The following ATP6V0A4 variants were observed in gnomAD, a reference collection of about 807,000 sequenced individuals.
ATP6V0A4 encodes the protein V-type proton ATPase 116 kDa subunit a 4.
ATP6V0A4 carries 86 observed loss-of-function variants against 107.3 expected under a neutral mutation model. That is an observed-to-expected ratio of 0.80 (90% confidence interval 0.67 to 0.96). The LOEUF is 0.96. ATP6V0A4 is among the 40% of genes least tolerant of loss of function. The pLI is 0.00. For missense variants in ATP6V0A4, 908 were observed against 1,045.6 expected, an observed-to-expected ratio of 0.87 and a Z score of 1.81; for synonymous variants, 353 against 381.4, an observed-to-expected ratio of 0.93 and a Z score of 0.87.
chr7:138,715,797 G>A lies in ATP6V0A4; in HGVS notation c.2224C>T (p.Leu742=). The A allele has an allele frequency of 6.2e-7, 1 of 1,612,792 alleles. No homozygotes were observed. Among genetic ancestry groups the A allele is most frequent in the East Asian group, 2.2e-5 (1 of 44,872 alleles). Residue 742 remains leucine (L), a synonymous_variant, in exon 20 of 22, where the codon CTG becomes TTG. Transcript: ENST00000310018. ...LGCISNTASY[L]RLWALSLAHA... ...GCCAGGCTGAGGGCCCAGAGCCGCA[G>A]GTAGGAGGCTGTGTTTGAAATGCAG...
In ATP6V0A4 at chr7:138,735,289, C is replaced by T. The variant is rs138760644; in HGVS notation, c.1573-1035G>A. The stretch of plus-strand genomic sequence containing the variant: ...TGGAAAGGATTCCAAGTCCTTGCTC[C>T]TTCCCCTGTCCCCACCTGTACTTGA... On this transcript the variant is annotated intron_variant, in intron 15 of 21. Transcript: ENST00000310018. Among the ~76,000 whole-genome samples, 5 of 152,294 alleles carry T rather than the reference C, an allele frequency of 3.3e-5. No homozygotes were observed. The East Asian group carries it at 9.6e-4, about 29-fold the overall frequency.
chr7:138,759,048 G>A (rs1254707273), intron 8 of ATP6V0A4, among the ~76,000 whole-genome samples: 1 of 117,918 alleles, frequency 8.5e-6, no homozygotes, highest in African/African-American at 3.4e-5. Flanking sequence ...ACCATGCCCA[G>A]CCTATTTTTT....
intron 5 of ATP6V0A4, among the ~76,000 whole-genome samples, chr7:138,766,657 T>G (rs1372818526): frequency 6.6e-6 from 1 of 152,112 alleles, no homozygotes; most frequent in South Asian, 2.1e-4. Context: ...CAGAAAAGCT[T>G]ATTAATATCA....
At chr7:138,771,600 C>T (rs1355549863) in intron 2 of ATP6V0A4, among the ~76,000 whole-genome samples, 5 of 151,932 alleles carry the variant, frequency 3.3e-5, no homozygotes, top group Admixed American at 6.6e-5. Context: ...GCACTTTATG[C>T]CCTCCATCAG....
intron 2 of ATP6V0A4, among the ~76,000 whole-genome samples, chr7:138,778,878 G>A (rs1427627093): frequency 6.6e-6 from 1 of 152,116 alleles, no homozygotes; most frequent in Non-Finnish European, 1.5e-5. Flanking sequence ...TTGGTAATAA[G>A]CTCCCCTCCC....
At chr7:138,721,205 C>T (rs1222298285) in intron 19 of ATP6V0A4, among the ~76,000 whole-genome samples, 2 of 152,108 alleles carry the variant, frequency 1.3e-5, no homozygotes, top group Non-Finnish European at 2.9e-5. Flanking sequence ...GGGAACAAAA[C>T]AATTTATGAA....
chr7:138,711,287 C>A (rs6467790), intron 20 of ATP6V0A4, among the ~76,000 whole-genome samples: 1 of 151,970 alleles, frequency 6.6e-6, no homozygotes, highest in Non-Finnish European at 1.5e-5. Flanking sequence ...CGTAGCTGAG[C>A]CCGTGTCCCC....
intron 5 of ATP6V0A4, among the ~76,000 whole-genome samples, chr7:138,768,503 C>T (rs949422397): frequency 6.6e-6 from 1 of 152,152 alleles, no homozygotes; most frequent in Admixed American, 6.5e-5. Flanking sequence ...GAATCAAACA[C>T]CCACAAAAGC....
At chr7:138,755,970 G>T in intron 9 of ATP6V0A4, 188 bp from the exon 10 acceptor site, 1 of 1,011,704 alleles carries the variant, frequency 9.9e-7, no homozygotes, top group Non-Finnish European at 1.4e-6. Flanking sequence ...CTTGTGCTGT[G>T]AATTGAGGCT....
chr7:138,772,702 C>T (rs776831211), intron 2 of ATP6V0A4, among the ~76,000 whole-genome samples: 28 of 152,156 alleles, frequency 1.8e-4, no homozygotes, highest in Admixed American at 5.2e-4. Context: ...GCCACCAGCC[C>T]GCACACAGCA....
intron 15 of ATP6V0A4, among the ~76,000 whole-genome samples, chr7:138,737,292 C>T (rs983398795): frequency 2.0e-5 from 3 of 150,728 alleles, no homozygotes; most frequent in African/African-American, 2.4e-5. Flanking sequence ...CATGGGAGTG[C>T]ATAAGTCTCA....
chr7:138,716,330 G>C (rs1030904384), intron 19 of ATP6V0A4, among the ~76,000 whole-genome samples: 17 of 152,156 alleles, frequency 1.1e-4, no homozygotes, highest in African/African-American at 3.9e-4. Flanking sequence ...CTCCTGTGTG[G>C]AAGTTTCTAG....
intron 20 of ATP6V0A4, 105 bp downstream of exon 20, chr7:138,715,659 T>A (rs556539582): frequency 2.0e-6 from 3 of 1,469,446 alleles, no homozygotes; most frequent in Non-Finnish European, 9.5e-7. Flanking sequence ...TTGGCAAACA[T>A]CCACAAATAG....
chr7:138,724,081 A>G (rs1435304062), intron 18 of ATP6V0A4, among the ~76,000 whole-genome samples: 1 of 150,928 alleles, frequency 6.6e-6, no homozygotes, highest in African/African-American at 2.4e-5. Flanking sequence ...TCCCAACTAC[A>G]TAGGAGGCTA....
At chr7:138,753,392 C>G (rs1248706774) in intron 10 of ATP6V0A4, among the ~76,000 whole-genome samples, 1 of 152,228 alleles carries the variant, frequency 6.6e-6, no homozygotes, top group African/African-American at 2.4e-5. Flanking sequence ...GAGCACGGCC[C>G]TGCTGACGCC....
At chr7:138,715,245 A>G (rs1178456227) in intron 20 of ATP6V0A4, among the ~76,000 whole-genome samples, 2 of 152,218 alleles carry the variant, frequency 1.3e-5, no homozygotes, top group African/African-American at 4.8e-5. Flanking sequence ...TCTGTAGCCC[A>G]GGGTGGAGTG....
chr7:138,711,016 C>T (rs960475167), intron 20 of ATP6V0A4, among the ~76,000 whole-genome samples: 2 of 152,060 alleles, frequency 1.3e-5, no homozygotes, highest in African/African-American at 4.8e-5. Context: ...ACTAAAGTTC[C>T]GAAAAGTTCA....
intron 2 of ATP6V0A4, among the ~76,000 whole-genome samples, chr7:138,780,304 C>G (rs1807859657): frequency 6.6e-6 from 1 of 152,154 alleles, no homozygotes; most frequent in South Asian, 2.1e-4. Flanking sequence ...AACACACAAC[C>G]TAGATTCTTC....
At chr7:138,753,618 T>A (rs1806348940) in intron 10 of ATP6V0A4, among the ~76,000 whole-genome samples, 1 of 152,206 alleles carries the variant, frequency 6.6e-6, no homozygotes, top group African/African-American at 2.4e-5. Flanking sequence ...TGGAATCATT[T>A]TTATGTTTTG....
Sources: gnomAD v4.1 joint callset for allele counts (sites outside exome capture counted in the v4.1 genomes callset) on GRCh38, gnomAD v4.1.1 for gene constraint, MANE v1.5 for transcripts, NCBI Gene and HGNC (gene_info 2026-07-23, HGNC 2026-07-21) for gene names.